The following ANO10 variants were observed in gnomAD, a reference collection of about 807,000 sequenced individuals.
The protein encoded by ANO10 is anoctamin 10, also known as anoctamin-10.
Under a neutral mutation model 74.7 loss-of-function variants are expected in ANO10, and 77 were observed. That is an observed-to-expected ratio of 1.03 (90% CI 0.86 to 1.25). The LOEUF is 1.25. Ranked by LOEUF, ANO10 falls within the 50% of genes most tolerant of loss-of-function variation. ANO10 has a pLI of 0.00. For missense variants in ANO10, 721 were observed against 778.1 expected (o/e 0.93, Z 0.87); for synonymous variants, 279 against 284.9 (o/e 0.98, Z 0.21).
chr3:43,506,476 A>C (rs1282829509), intron 11 of ANO10, among the ~76,000 whole-genome samples: 1 of 152,098 alleles, frequency 6.6e-6, no homozygotes, highest in African/African-American at 2.4e-5. Flanking sequence ...CCATTAACAC[A>C]TAAGTCAGAC....
intron 1 of ANO10, among the ~76,000 whole-genome samples, chr3:43,618,766 T>C (rs1396882068): frequency 9.9e-5 from 15 of 152,168 alleles, no homozygotes; most frequent in Admixed American, 9.2e-4. Context: ...AGAAATGGCA[T>C]ATAAAAGTAA....
chr3:43,432,496 T>TGAAGGGG, intron 12 of ANO10, 115 bp downstream of exon 12: 1 of 892,042 alleles, frequency 1.1e-6, no homozygotes, highest in Non-Finnish European at 1.9e-6. Flanking sequence ...GTCCTCTGTA[T>TGAAGGGG]TCATTTAAAC....
intron 12 of ANO10, among the ~76,000 whole-genome samples, chr3:43,402,463 T>C (rs931421545): frequency 1.3e-5 from 2 of 152,194 alleles, no homozygotes; most frequent in African/African-American, 4.8e-5. Flanking sequence ...ATTATGTTCA[T>C]TGTAGAGTTG....
At chr3:43,369,046 C>T (rs1187117230) in intron 12 of ANO10, among the ~76,000 whole-genome samples, 1 of 112,726 alleles carries the variant, frequency 8.9e-6, no homozygotes, top group Non-Finnish European at 2.2e-5. Context: ...GAGGGGCCCC[C>T]TGCTCCACAG....
In ANO10 at chr3:43,499,576, C is replaced by T. The variant is rs887708335; in HGVS notation, c.1797+50144G>A. ...AGTTCAGAAATGCAGGCAAACCACA[C>T]TTCCCACTATTATTCTTTCAACAAT... On this transcript the variant is annotated intron_variant, in intron 11 of 12. Coordinates refer to ENST00000292246, the MANE Select transcript of ANO10 (RefSeq NM_018075.5). 2.0e-5 allele frequency among the ~76,000 whole-genome samples: 3 copies of T among 151,946 alleles called. No homozygotes were observed. The South Asian group carries it at 6.2e-4, about 32-fold the overall frequency.
In ANO10 at chr3:43,524,487, G is replaced by A. The variant is rs561274725; in HGVS notation, c.1797+25233C>T. Among the ~76,000 whole-genome samples the A allele has an allele frequency of 7.9e-5, 12 of 152,196 alleles. No homozygotes were observed. The South Asian group carries it at 2.5e-3, about 32-fold the overall frequency. On this transcript the variant is annotated intron_variant, in intron 11 of 12. Transcript: ENST00000292246. Reference sequence around the variant, plus strand: ...AGCAGTAATCTGGCCTGGCCCTAGAGACCAGGAAGGTTTCCTCAAGATGCT... The same window carrying A: ...AGCAGTAATCTGGCCTGGCCCTAGAAACCAGGAAGGTTTCCTCAAGATGCT...
chr3:43,485,812 G>A (rs1466269853), intron 11 of ANO10: 2 of 279,314 alleles, frequency 7.2e-6, no homozygotes, highest in Non-Finnish European at 7.1e-6. Flanking sequence ...GGGGCAGTGT[G>A]TGGCATTCCG....
chr3:43,589,840 G>C (rs2081645927), intron 4 of ANO10, among the ~76,000 whole-genome samples: 1 of 152,082 alleles, frequency 6.6e-6, no homozygotes, highest in Admixed American at 6.5e-5. Flanking sequence ...AATGAGTTAG[G>C]CTTAATTTGG....
At chr3:43,534,466 G>C (rs954706132) in intron 11 of ANO10, among the ~76,000 whole-genome samples, 1 of 151,778 alleles carries the variant, frequency 6.6e-6, no homozygotes, top group Non-Finnish European at 1.5e-5. Context: ...GCATGTGAAC[G>C]TGCGCGCATG....
At position 43,598,521 on chromosome 3, in the gene ANO10, T is replaced by C. The variant is rs752947248; in HGVS notation, c.472+11A>G. On this transcript the variant is annotated intron_variant, in intron 4 of 12. Transcript: ENST00000292246. Reference sequence around the variant, plus strand: ...CTATTAAGAAAAAGACTGGTTGACATAATGACTTACACAATGATTTTCCTG... The same window carrying C: ...CTATTAAGAAAAAGACTGGTTGACACAATGACTTACACAATGATTTTCCTG... 1.1e-5 allele frequency: 18 copies of C among 1,612,474 alleles called. No individual in the cohort carries two copies. In the Admixed American group the frequency reaches 2.7e-4, roughly 24 times the overall value.
At chr3:43,546,358 T>C (rs1425244663) in intron 11 of ANO10, among the ~76,000 whole-genome samples, 1 of 152,100 alleles carries the variant, frequency 6.6e-6, no homozygotes, top group African/African-American at 2.4e-5. Flanking sequence ...CAAAACATAC[T>C]ACAAAGCTAT....
At chr3:43,514,729 T>C (rs1478085265) in intron 11 of ANO10, among the ~76,000 whole-genome samples, 1 of 152,178 alleles carries the variant, frequency 6.6e-6, no homozygotes, top group African/African-American at 2.4e-5. Context: ...TTATGGGACA[T>C]TAAATAAGTC....
intron 11 of ANO10, among the ~76,000 whole-genome samples, chr3:43,436,183 C>A (rs1446599842): frequency 6.6e-6 from 1 of 152,116 alleles, no homozygotes; most frequent in Non-Finnish European, 1.5e-5. Context: ...ATTTTCCATA[C>A]AGCCACTCTG....
At chr3:43,504,576 T>C (rs1490266228) in intron 11 of ANO10, among the ~76,000 whole-genome samples, 1 of 151,970 alleles carries the variant, frequency 6.6e-6, no homozygotes, top group African/African-American at 2.4e-5. Flanking sequence ...AAAAAACAGA[T>C]TAGTTTATGT....
chr3:43,388,963 A>G (rs970820358), intron 12 of ANO10, among the ~76,000 whole-genome samples: 2 of 152,212 alleles, frequency 1.3e-5, no homozygotes. Context: ...CTCTGTTCCC[A>G]TCACACAAAC....
At chr3:43,491,561 C>A (rs953102432) in intron 11 of ANO10, among the ~76,000 whole-genome samples, 1 of 152,066 alleles carries the variant, frequency 6.6e-6, no homozygotes, top group African/African-American at 2.4e-5. Context: ...AAACTGCACA[C>A]TCCATCTCAC....
Position 43,510,983 on chromosome 3 carries a change from C to T in ANO10, c.1797+38737G>A, listed in dbSNP as rs369073470. Among the ~76,000 whole-genome samples, 4 of 152,210 alleles carry T rather than the reference C, an allele frequency of 2.6e-5. No individual in the cohort carries two copies. In the East Asian group the frequency reaches 5.8e-4, roughly 22 times the overall value. The stretch of plus-strand genomic sequence containing the variant: ...TGTTCTCAAGGTGTCAAAAATTACC[C>T]GTTTATCCCAATTCACAGTTTAATT... On this transcript the variant is annotated intron_variant, in intron 11 of 12. Transcript: ENST00000292246.
intron 1 of ANO10, among the ~76,000 whole-genome samples, chr3:43,627,030 T>C (rs1471144159): frequency 1.3e-5 from 2 of 151,718 alleles, no homozygotes; most frequent in Non-Finnish European, 2.9e-5. Flanking sequence ...CCATGTACTT[T>C]CACTGTTCAT....
At chr3:43,647,186 T>TGC in intron 1 of ANO10, among the ~76,000 whole-genome samples, 1 of 151,572 alleles carries the variant, frequency 6.6e-6, no homozygotes, top group East Asian at 1.9e-4. Context: ...TGTGTGTGTG[T>TGC]GTGTGTATTC....
Sources: allele counts gnomAD v4.1 joint callset (sites outside exome capture counted in the v4.1 genomes callset), GRCh38; gene constraint gnomAD v4.1.1; transcripts MANE v1.5; gene names NCBI Gene and HGNC (gene_info 2026-07-23, HGNC 2026-07-21).